GLRX3: variants seen among roughly 807,000 people sequenced by gnomAD.
The protein encoded by GLRX3 is glutaredoxin-3.
In GLRX3, 22 loss-of-function variants were observed where a neutral mutation model predicts 49.5. That is an observed-to-expected ratio of 0.44 (90% CI 0.32 to 0.63). The LOEUF (loss-of-function observed/expected upper bound fraction) is 0.63. GLRX3 is among the 30% of genes least tolerant of loss of function. The pLI, the probability that GLRX3 is intolerant of heterozygous loss-of-function variation, is 0.05. For missense variants in GLRX3, 385 were observed against 396.3 expected, an observed-to-expected ratio of 0.97 and a Z score of 0.24; for synonymous variants, 133 against 140.0, an observed-to-expected ratio of 0.95 and a Z score of 0.35.
chr10:130,162,886 A>G (rs949771847), intron 4 of GLRX3, among the ~76,000 whole-genome samples: 2 of 152,042 alleles, frequency 1.3e-5, no homozygotes, highest in South Asian at 2.1e-4. Flanking sequence ...GCTGTTGGGA[A>G]CAAGATTGGC....
rs57482969 is a variant in GLRX3, at chr10:130,148,433, CTTTTTTTTTT to C, written c.201+3132_201+3141del. Among the ~76,000 whole-genome samples, 128 of 70,568 alleles carry C rather than the reference CTTTTTTTTTT, an allele frequency of 1.8e-3. 1 individual carries two copies. Among genetic ancestry groups the C allele is most frequent in the Middle Eastern group, 0.02 (2 of 98 alleles). 46.3% of individuals were successfully genotyped at this position (70,568 alleles called of 152,430 possible). A position where few individuals can be genotyped will look rare whatever the true frequency, so the allele number is the denominator to read the frequency against. Reference sequence around the variant, plus strand: ...GATGTGAGCCACTTTGCCCTTCAGTCTTTTTTTTTTTTTTTTTTTTTTTTTTTAATGATGA... The same window carrying C: ...GATGTGAGCCACTTTGCCCTTCAGTCTTTTTTTTTTTTTTTTTAATGATGA... On this transcript the variant is annotated intron_variant, in intron 2 of 10. Transcript: ENST00000331244.
chr10:130,166,664 A>G lies in GLRX3; in HGVS notation c.636A>G (p.Gly212=). The change falls in exon 5 of 11, where the codon GGA becomes GGG. Residue 212 remains glycine (G), a synonymous_variant. Coordinates refer to ENST00000331244, the MANE Select transcript of GLRX3 (RefSeq NM_006541.5). ...QLYVSGELIG[G]LDIIKELEAS... Reference sequence around the variant, plus strand: ...ATGTTTCTGGAGAGCTCATAGGAGGACTTGATATAATTAAGGTTAGAATTG... The same window carrying G: ...ATGTTTCTGGAGAGCTCATAGGAGGGCTTGATATAATTAAGGTTAGAATTG... 1 of 1,603,618 alleles carries G rather than the reference A, an allele frequency of 6.2e-7. No individual in the cohort carries two copies. Among genetic ancestry groups the G allele is most frequent in the Non-Finnish European group, 8.5e-7 (1 of 1,171,062 alleles).
At chr10:130,173,095 A>AT (rs1862845421) in intron 8 of GLRX3, among the ~76,000 whole-genome samples, 1 of 151,732 alleles carries the variant, frequency 6.6e-6, no homozygotes, top group Non-Finnish European at 1.5e-5. Flanking sequence ...GTCATTTTTG[A>AT]TTTTCCCCTT....
intron 8 of GLRX3, among the ~76,000 whole-genome samples, chr10:130,173,196 C>G (rs2134925065): frequency 6.6e-6 from 1 of 152,312 alleles, no homozygotes; most frequent in African/African-American, 2.4e-5. Context: ...GTCTTCTGAG[C>G]CGACACACTG....
chr10:130,163,456 A>G (rs1031236234), intron 4 of GLRX3, among the ~76,000 whole-genome samples: 6 of 152,186 alleles, frequency 3.9e-5, no homozygotes, highest in Non-Finnish European at 5.9e-5. Context: ...AGCCATCTGA[A>G]AACGTAGTAT....
chr10:130,157,792 C>T (rs1030110929), intron 2 of GLRX3, among the ~76,000 whole-genome samples: 4 of 152,116 alleles, frequency 2.6e-5, no homozygotes, highest in African/African-American at 9.7e-5. Flanking sequence ...TGGTTTATGG[C>T]ACAGGGTAGG....
chr10:130,178,844 C>T (rs56011536), intron 10 of GLRX3, among the ~76,000 whole-genome samples: 40,564 of 151,952 alleles, frequency 0.27, 5,440 homozygotes, highest in South Asian at 0.35. Flanking sequence ...GCTGGGATTA[C>T]AGGTGCCCGC....
At chr10:130,158,135 G>T (rs963080925) in intron 2 of GLRX3, among the ~76,000 whole-genome samples, 3 of 152,148 alleles carry the variant, frequency 2.0e-5, no homozygotes, top group Admixed American at 2.0e-4. Flanking sequence ...AGCAGGAATT[G>T]TAAGAGGTCA....
At chr10:130,151,725 A>G (rs1018103669) in intron 2 of GLRX3, among the ~76,000 whole-genome samples, 8 of 152,106 alleles carry the variant, frequency 5.3e-5, no homozygotes, top group Non-Finnish European at 7.4e-5. Flanking sequence ...TGGCTGCATT[A>G]TATTCCGTGA....
chr10:130,153,019 C>T (rs947617689), intron 2 of GLRX3, among the ~76,000 whole-genome samples: 2 of 152,120 alleles, frequency 1.3e-5, no homozygotes, highest in Non-Finnish European at 2.9e-5. Flanking sequence ...CTTTTTTGCT[C>T]TAATCTTGTC....
At position 130,161,442 on chromosome 10, in the gene GLRX3, G is replaced by A. The variant is rs148585008; in HGVS notation, c.478+445G>A. Reference sequence around the variant, plus strand: ...CAGATTCAGCAATTAAAAAATTTGCGGAATTTTTCAGTGTTTTTGTGTCCA... The same window carrying A: ...CAGATTCAGCAATTAAAAAATTTGCAGAATTTTTCAGTGTTTTTGTGTCCA... On this transcript the variant is annotated intron_variant, in intron 4 of 10. Coordinates refer to ENST00000331244, the MANE Select transcript of GLRX3 (RefSeq NM_006541.5). Among the ~76,000 whole-genome samples, 268 of 152,190 alleles carry A rather than the reference G, an allele frequency of 1.8e-3. 4 individuals are homozygous for A. In the East Asian group the frequency reaches 0.039, roughly 22 times the overall value.
chr10:130,171,905 G>A lies in GLRX3; in HGVS notation c.824+269G>A, dbSNP rs144958786. On this transcript the variant is annotated intron_variant, in intron 8 of 10. Transcript: ENST00000331244. ...CACTGGAGTCTTGGAAGGTGAGGCT[G>A]TAGTGAGCCGTGATTGCACCACTGC... Among the ~76,000 whole-genome samples the A allele has an allele frequency of 7.2e-3, 1,091 of 152,258 alleles. 19 individuals are homozygous for A. Among genetic ancestry groups the A allele is most frequent in the African/African-American group, 0.025 (1,025 of 41,532 alleles).
chr10:130,151,185 C>G (rs1001739461), intron 2 of GLRX3, among the ~76,000 whole-genome samples: 1 of 152,046 alleles, frequency 6.6e-6, no homozygotes, highest in South Asian at 2.1e-4. Context: ...CTCGGCCTCC[C>G]AAAGTGCTGG....
At chr10:130,141,974 T>C (rs1207637362) in intron 1 of GLRX3, among the ~76,000 whole-genome samples, 1 of 152,032 alleles carries the variant, frequency 6.6e-6, no homozygotes, top group Non-Finnish European at 1.5e-5. Flanking sequence ...GACTGAAAAA[T>C]GTAATCTAGC....
chr10:130,147,526 C>T (rs1862291781), intron 2 of GLRX3, among the ~76,000 whole-genome samples: 1 of 152,184 alleles, frequency 6.6e-6, no homozygotes, highest in South Asian at 2.1e-4. Flanking sequence ...CCTGACTGCA[C>T]CTGCCACTCA....
At chr10:130,176,924 A>G (rs1325845660) in intron 10 of GLRX3, among the ~76,000 whole-genome samples, 2 of 152,176 alleles carry the variant, frequency 1.3e-5, no homozygotes, top group African/African-American at 2.4e-5. Context: ...GGAAGATACA[A>G]TCAATAAATC....
At chr10:130,164,671 A>G (rs1314933156) in intron 4 of GLRX3, among the ~76,000 whole-genome samples, 1 of 152,242 alleles carries the variant, frequency 6.6e-6, no homozygotes, top group Non-Finnish European at 1.5e-5. Context: ...TTTTGTTACT[A>G]GAATAAAGCC....
chr10:130,174,904 G>T lies in GLRX3; in HGVS notation c.862G>T (p.Glu288Ter). 1 of 1,599,262 alleles carries T rather than the reference G, an allele frequency of 6.3e-7. No individual in the cohort carries two copies. The highest frequency in any genetic ancestry group is 8.6e-7 in the Non-Finnish European group (1 of 1,166,422). ...AACATTCGATATATTGGAGGATGAA[G>T]AAGTAAGTTCTGTGTTTGATGTTTC... is the stretch of plus-strand genomic sequence containing the variant. ...YETFDILEDEEVRQGLKAYSN... is the reference protein window; with the variant it reads ...YETFDILEDE The change falls in exon 9 of 11, where the codon GAA (glutamate) becomes TAA (stop). Residue 288 changes from glutamate to a stop codon, truncating the protein, a stop_gained and splice_region_variant. Transcript: ENST00000331244. LOFTEE classifies it high-confidence loss of function.
chr10:130,143,536 A>AT (rs917225207), intron 1 of GLRX3, among the ~76,000 whole-genome samples: 35 of 147,434 alleles, frequency 2.4e-4, no homozygotes, highest in East Asian at 4.0e-4. Flanking sequence ...AATGTTTAGA[A>AT]TTTTTTTTTT....
Sources: allele counts gnomAD v4.1 joint callset (sites outside exome capture counted in the v4.1 genomes callset), GRCh38; gene constraint gnomAD v4.1.1; transcripts MANE v1.5; gene names NCBI Gene and HGNC (gene_info 2026-07-23, HGNC 2026-07-21).